The following TNS3 variants were observed in gnomAD, a reference collection of about 807,000 sequenced individuals.
TNS3 encodes tensin 3.
TNS3 carries 45 observed loss-of-function variants against 140.9 expected under a neutral mutation model. That is an observed-to-expected ratio of 0.32 (90% CI 0.25 to 0.41). TNS3 has a LOEUF of 0.41. Among genes scored for constraint, TNS3 ranks in the 10% least tolerant of loss-of-function variants. TNS3 has a pLI of 1.00. For synonymous variants in TNS3, 815 were observed against 788.4 expected, an observed-to-expected ratio of 1.03 and a Z score of -0.56; for missense variants, 1,716 against 1,906.7, an observed-to-expected ratio of 0.90 and a Z score of 1.86.
chr7:47,351,874 C>T (rs1789694854), intron 17 of TNS3, among the ~76,000 whole-genome samples: 1 of 152,090 alleles, frequency 6.6e-6, no homozygotes, highest in Non-Finnish European at 1.5e-5. Context: ...TCCCACACAC[C>T]CCGCACCTCT....
chr7:47,359,403 G>C (rs915160176), intron 17 of TNS3, among the ~76,000 whole-genome samples: 1 of 152,212 alleles, frequency 6.6e-6, no homozygotes, highest in African/African-American at 2.4e-5. Flanking sequence ...GGTGTGGACA[G>C]GAAGTGACTT....
intron 1 of TNS3, among the ~76,000 whole-genome samples, chr7:47,546,562 A>G (rs1430879829): frequency 6.6e-6 from 1 of 152,128 alleles, no homozygotes; most frequent in African/African-American, 2.4e-5. Flanking sequence ...GGTTCGATGT[A>G]TTGCTCTTAT....
intron 16 of TNS3, among the ~76,000 whole-genome samples, chr7:47,381,612 C>G (rs564102736): frequency 2.8e-4 from 42 of 152,200 alleles, no homozygotes; most frequent in South Asian, 4.1e-4. Flanking sequence ...CCAGGGGAGA[C>G]AGGACATACC....
At chr7:47,363,795 A>G (rs1790532880) in intron 17 of TNS3, among the ~76,000 whole-genome samples, 1 of 152,336 alleles carries the variant, frequency 6.6e-6, no homozygotes, top group South Asian at 2.1e-4. Flanking sequence ...TCATGCACAC[A>G]GATGTGGAAA....
At chr7:47,308,706 A>G (rs1421934647) in intron 20 of TNS3, among the ~76,000 whole-genome samples, 1 of 152,142 alleles carries the variant, frequency 6.6e-6, no homozygotes, top group Non-Finnish European at 1.5e-5. Flanking sequence ...GTTATCCCCC[A>G]CTACTGGGCA....
At chr7:47,321,786 T>C (rs1299407053) in intron 20 of TNS3, among the ~76,000 whole-genome samples, 3 of 152,228 alleles carry the variant, frequency 2.0e-5, no homozygotes, top group East Asian at 3.9e-4. Context: ...ATAGACCAAA[T>C]TGTCCTGATT....
chr7:47,420,570 T>C (rs541388366), intron 10 of TNS3, among the ~76,000 whole-genome samples: 3 of 152,152 alleles, frequency 2.0e-5, no homozygotes, highest in Non-Finnish European at 4.4e-5. Flanking sequence ...CACTATGCAT[T>C]CGGGCAGCCC....
Position 47,283,745 on chromosome 7 carries a change from T to C in TNS3, c.4049A>G (p.His1350Arg). ...GATGCCCTGGGCTGACACCTTGAAGTGCACAACTGTGGACACAGGTGGAGG... is the reference window on the plus strand; with the variant it reads ...GATGCCCTGGGCTGACACCTTGAAGCGCACAACTGTGGACACAGGTGGAGG... ...QEPPPVSTVV[H>R]FKVSAQGITL... The change falls in exon 28 of 31, where the codon CAC (histidine) becomes CGC (arginine). Residue 1350 changes from histidine to arginine, a missense_variant. His to Arg is a conservative substitution (Grantham distance 29). Coordinates refer to ENST00000311160, the MANE Select transcript of TNS3 (RefSeq NM_022748.12). 6.2e-7 allele frequency: 1 copy of C among 1,608,094 alleles called. No individual in the cohort carries two copies. The highest frequency in any genetic ancestry group is 8.5e-7 in the Non-Finnish European group (1 of 1,177,372).
intron 17 of TNS3, among the ~76,000 whole-genome samples, chr7:47,351,659 G>T (rs910937272): frequency 6.6e-5 from 10 of 152,090 alleles, no homozygotes; most frequent in African/African-American, 2.4e-4. Flanking sequence ...CCTTTAACCC[G>T]TGCACAACGT....
rs181508478 is a variant in TNS3 at position 47,540,664 on chromosome 7, A to G, written c.-264-11517T>C. On this transcript the variant is annotated intron_variant, in intron 1 of 30. Coordinates refer to ENST00000311160, the MANE Select transcript of TNS3 (RefSeq NM_022748.12). ...GGAGGGGGCACGGAGTCCACAGATC[A>G]TGGGAAGAACTCCATGAATGGCCTG... Among the ~76,000 whole-genome samples, 633 of 152,350 alleles carry G rather than the reference A, an allele frequency of 4.2e-3. 10 individuals carry two copies. The highest frequency in any genetic ancestry group is 0.037 in the Admixed American group (561 of 15,302).
chr7:47,480,367 G>C (rs1439848942), intron 4 of TNS3, among the ~76,000 whole-genome samples: 1 of 152,192 alleles, frequency 6.6e-6, no homozygotes, highest in Non-Finnish European at 1.5e-5. Context: ...CCAGCAGCAA[G>C]AGGCAGCTTC....
intron 16 of TNS3, among the ~76,000 whole-genome samples, chr7:47,383,469 G>A (rs1047912256): frequency 6.6e-6 from 1 of 152,170 alleles, no homozygotes; most frequent in African/African-American, 2.4e-5. Flanking sequence ...AGATAATGGC[G>A]ACAGTTCCAC....
intron 10 of TNS3, among the ~76,000 whole-genome samples, chr7:47,421,987 G>A (rs1050824778): frequency 2.0e-5 from 3 of 152,088 alleles, no homozygotes; most frequent in Non-Finnish European, 2.9e-5. Flanking sequence ...CCACTCCCCA[G>A]GCCATTCAGG....
intron 20 of TNS3, among the ~76,000 whole-genome samples, chr7:47,330,102 C>A (rs1391639257): frequency 2.0e-5 from 3 of 152,198 alleles, no homozygotes; most frequent in Non-Finnish European, 4.4e-5. Flanking sequence ...TTTAAAAATT[C>A]TTCCCGGACA....
In TNS3 at chr7:47,368,955, T is replaced by C; in HGVS notation, c.1691A>G (p.Gln564Arg). The C allele has an allele frequency of 6.2e-7, 1 of 1,613,766 alleles. No individual in the cohort carries two copies. ...TFGSREPKQP[Q>R]PLLRKPSVSA... is the part of the protein sequence containing the mutation. ...CACTGAGGGCTTTCTCAGCAGGGGC[T>C]GGGGCTGCTTGGGCTCTCGACTCCC... is the stretch of plus-strand genomic sequence containing the variant. The change falls in exon 17 of 31, where the codon CAG (glutamine) becomes CGG (arginine). Residue 564 changes from glutamine to arginine, a missense_variant. By Grantham distance (43) the Gln-to-Arg change is conservative. This residue lies in a region of TNS3 where 1,163 missense variants were observed against 1,182.1 expected (regional missense o/e 0.98). Coordinates refer to ENST00000311160, the MANE Select transcript of TNS3 (RefSeq NM_022748.12).
At chr7:47,289,042 A>G (rs892943630) in intron 27 of TNS3, among the ~76,000 whole-genome samples, 1 of 152,214 alleles carries the variant, frequency 6.6e-6, no homozygotes, top group Non-Finnish European at 1.5e-5. Flanking sequence ...TCCTATAAGG[A>G]GAGTCTAAAA....
intron 10 of TNS3, 116 bp downstream of exon 10, chr7:47,423,985 C>A: frequency 9.4e-7 from 1 of 1,061,286 alleles, no homozygotes. Flanking sequence ...TTGGCATGAC[C>A]CAAGAATACT....
At chr7:47,322,925 G>A (rs1787830154) in intron 20 of TNS3, among the ~76,000 whole-genome samples, 1 of 152,178 alleles carries the variant, frequency 6.6e-6, no homozygotes, top group South Asian at 2.1e-4. Flanking sequence ...CGTGTCAGAG[G>A]TGAGGCTGTG....
At chr7:47,398,149 T>G (rs1792940083) in intron 15 of TNS3, among the ~76,000 whole-genome samples, 2 of 151,964 alleles carry the variant, frequency 1.3e-5, no homozygotes, top group Admixed American at 1.3e-4. Flanking sequence ...TAAAAAGCAG[T>G]GAAAATGAAT....
Sources: gnomAD v4.1 joint callset for allele counts (sites outside exome capture counted in the v4.1 genomes callset) on GRCh38, gnomAD v4.1.1 for gene constraint, gnomAD v4.1.1 regional missense constraint, MANE v1.5 for transcripts, NCBI Gene and HGNC (gene_info 2026-07-23, HGNC 2026-07-21) for gene names.